The following MED27 variants were observed in gnomAD, a reference collection of about 807,000 sequenced individuals.
MED27 encodes the protein mediator complex subunit 27.
A neutral mutation model predicts 38.2 loss-of-function variants in MED27; 30 were observed. The observed-to-expected ratio is 0.79, with a 90% CI of 0.59 to 1.07. MED27 has a LOEUF of 1.07. Among genes scored for constraint, MED27 ranks in the 50% least tolerant of loss-of-function variants. The probability of loss-of-function intolerance (pLI) is 0.00; values close to 1 mark genes in which losing one functional copy is unlikely to be tolerated. For missense variants in MED27, 289 were observed against 397.5 expected, an observed-to-expected ratio of 0.73 and a Z score of 2.32; for synonymous variants, 122 against 153.5, an observed-to-expected ratio of 0.79 and a Z score of 1.52.
intron 3 of MED27, among the ~76,000 whole-genome samples, chr9:131,950,154 GA>G (rs1448066375): frequency 1.3e-5 from 2 of 151,346 alleles, no homozygotes; most frequent in Non-Finnish European, 3.0e-5. Context: ...AGAGAAAAAA[GA>G]AAAAAAACCC....
At chr9:131,867,773 A>C (rs1432567675) in intron 6 of MED27, among the ~76,000 whole-genome samples, 1 of 152,236 alleles carries the variant, frequency 6.6e-6, no homozygotes, top group African/African-American at 2.4e-5. Context: ...GCTAAAATGC[A>C]TGAGAATGCG....
At chr9:132,057,060 CAGGCCCTTGCA>C (rs1371073705) in intron 2 of MED27, among the ~76,000 whole-genome samples, 2 of 152,212 alleles carry the variant, frequency 1.3e-5, no homozygotes, top group Non-Finnish European at 2.9e-5. Flanking sequence ...CTCTTGGTGC[CAGGCCCTTGCA>C]AGGCCTGGCT....
chr9:131,898,016 G>A (rs556744454), intron 4 of MED27, among the ~76,000 whole-genome samples: 6 of 152,100 alleles, frequency 3.9e-5, no homozygotes, highest in African/African-American at 1.4e-4. Context: ...GGATTTTGCT[G>A]GTGGCATCCC....
rs1350257235 is a variant in MED27, at chr9:132,052,973, G to T, written c.348+24469C>A. Among the ~76,000 whole-genome samples the T allele has an allele frequency of 2.0e-5, 3 of 151,782 alleles. No homozygotes were observed. The East Asian group carries it at 5.9e-4, about 30-fold the overall frequency. On this transcript the variant is annotated intron_variant, in intron 2 of 7. Transcript: ENST00000292035. ...GGTTCCCACGAAAGGGCTGCTCAGG[G>T]CTGGGCGGGGTGGCTCATGCCTGTA...
At chr9:131,898,625 T>C (rs141437497) in intron 4 of MED27, among the ~76,000 whole-genome samples, 1 of 151,768 alleles carries the variant, frequency 6.6e-6, no homozygotes, top group Non-Finnish European at 1.5e-5. Flanking sequence ...TCTCGCTCTG[T>C]CTCCCATGTT....
At chr9:131,866,675 A>G (rs1387475891) in intron 6 of MED27, among the ~76,000 whole-genome samples, 1 of 152,254 alleles carries the variant, frequency 6.6e-6, no homozygotes, top group Non-Finnish European at 1.5e-5. Context: ...AAATGGGGAT[A>G]ATGACAGAGT....
chr9:132,036,033 C>T (rs1833068785), intron 2 of MED27, among the ~76,000 whole-genome samples: 1 of 151,852 alleles, frequency 6.6e-6, no homozygotes, highest in Non-Finnish European at 1.5e-5. Context: ...TGACTCAATC[C>T]CATTCTGGTG....
intron 3 of MED27, among the ~76,000 whole-genome samples, chr9:132,001,105 G>T (rs1244301866): frequency 6.7e-6 from 1 of 149,748 alleles, no homozygotes; most frequent in East Asian, 2.0e-4. Context: ...GCCTCAAAGA[G>T]AAAAAAAGAA....
At chr9:131,929,257 G>A (rs1338841007) in intron 4 of MED27, among the ~76,000 whole-genome samples, 2 of 152,324 alleles carry the variant, frequency 1.3e-5, no homozygotes, top group East Asian at 3.9e-4. Context: ...GAGACTCTGA[G>A]ACGTGCTGGC....
chr9:131,995,074 A>G lies in MED27; in HGVS notation c.479+19263T>C, dbSNP rs145435843. Among the ~76,000 whole-genome samples the G allele has an allele frequency of 2.6e-5, 4 of 152,324 alleles. No individual in the cohort carries two copies. In the East Asian group the frequency reaches 7.7e-4, roughly 29 times the overall value. On this transcript the variant is annotated intron_variant, in intron 3 of 7. Coordinates refer to ENST00000292035, the MANE Select transcript of MED27 (RefSeq NM_004269.4). The stretch of plus-strand genomic sequence containing the variant: ...AGCAGCTCAAGGCTAGACTACAGGA[A>G]GACTCATGGGCAGCAGTGAGTGGTC...
rs1428836512 is a variant in MED27 at position 131,881,112 on chromosome 9, A to C, written c.723+2946T>G. 2.0e-5 allele frequency among the ~76,000 whole-genome samples: 3 copies of C among 152,188 alleles called. No homozygotes were observed. The East Asian group carries it at 5.8e-4, about 29-fold the overall frequency. On this transcript the variant is annotated intron_variant, in intron 6 of 7. Coordinates refer to ENST00000292035, the MANE Select transcript of MED27 (RefSeq NM_004269.4). ...GGACATGAAGATAAGGACCAGATTGAGGGGAAAAGCTGACCATTTTAATGT... is the reference window on the plus strand; with the variant it reads ...GGACATGAAGATAAGGACCAGATTGCGGGGAAAAGCTGACCATTTTAATGT...
At chr9:131,940,073 C>A (rs6597537) in intron 3 of MED27, among the ~76,000 whole-genome samples, 85,607 of 151,226 alleles carry the variant, frequency 0.57, 25,270 homozygotes, top group African/African-American at 0.73. Context: ...CACCTGGCTA[C>A]TTTTTATATT....
intron 3 of MED27, among the ~76,000 whole-genome samples, chr9:131,979,372 G>A (rs568056942): frequency 2.6e-5 from 4 of 151,390 alleles, no homozygotes; most frequent in East Asian, 3.9e-4. Flanking sequence ...TGTAACCAAC[G>A]CTTATGTATC....
At chr9:132,064,579 G>A (rs984824265) in intron 2 of MED27, among the ~76,000 whole-genome samples, 4 of 152,194 alleles carry the variant, frequency 2.6e-5, no homozygotes, top group African/African-American at 4.8e-5. Flanking sequence ...ATCCCTTAAA[G>A]AGAGCACAGC....
chr9:132,071,282 AACACTGCCACTTG>A (rs1187079193), intron 2 of MED27, among the ~76,000 whole-genome samples: 7 of 151,660 alleles, frequency 4.6e-5, no homozygotes, highest in Non-Finnish European at 1.0e-4. Context: ...ACCACCGAGC[AACACTGCCACTTG>A]ATGAACGAGC....
intron 2 of MED27, among the ~76,000 whole-genome samples, chr9:132,056,434 C>A (rs1253642950): frequency 2.6e-5 from 4 of 152,118 alleles, no homozygotes; most frequent in Non-Finnish European, 2.9e-5. Flanking sequence ...GTGAAAATAC[C>A]ACCAATTTCC....
intron 2 of MED27, among the ~76,000 whole-genome samples, chr9:132,064,366 A>T (rs1229106488): frequency 1.3e-5 from 2 of 152,184 alleles, no homozygotes; most frequent in African/African-American, 4.8e-5. Flanking sequence ...GTCCGAGATA[A>T]AAGGAATAAC....
intron 3 of MED27, among the ~76,000 whole-genome samples, chr9:131,989,003 C>T (rs775766033): frequency 5.9e-5 from 9 of 152,070 alleles, no homozygotes; most frequent in Admixed American, 4.6e-4. Flanking sequence ...CATAGGTACA[C>T]GACTGCCATG....
At chr9:131,979,638 A>C (rs1465564223) in intron 3 of MED27, among the ~76,000 whole-genome samples, 1 of 152,228 alleles carries the variant, frequency 6.6e-6, no homozygotes, top group Non-Finnish European at 1.5e-5. Flanking sequence ...GGCATTGAAT[A>C]AAGAATGAAG....
Sources: gnomAD v4.1 joint callset for allele counts (sites outside exome capture counted in the v4.1 genomes callset) on GRCh38, gnomAD v4.1.1 for gene constraint, MANE v1.5 for transcripts, NCBI Gene and HGNC (gene_info 2026-07-23, HGNC 2026-07-21) for gene names.